The following IPCEF1 variants were observed in gnomAD, a reference collection of about 807,000 sequenced individuals.
IPCEF1 encodes interaction protein for cytohesin exchange factors 1.
In IPCEF1, 31 loss-of-function variants were observed where a neutral mutation model predicts 50.9. The ratio of observed to expected loss-of-function variants is 0.61; its 90% CI spans 0.46 to 0.82. The LOEUF (loss-of-function observed/expected upper bound fraction) is 0.82, where lower values mean the gene tolerates loss of function less well. Among genes scored for constraint, IPCEF1 ranks in the 40% least tolerant of loss-of-function variants. The pLI is 0.00. For missense variants in IPCEF1, 458 were observed against 514.0 expected (o/e 0.89, Z 1.05); for synonymous variants, 181 against 192.0 (o/e 0.94, Z 0.47).
chr6:154,195,498 TG>T (rs1342095148), intron 10 of IPCEF1, among the ~76,000 whole-genome samples: 1 of 152,092 alleles, frequency 6.6e-6, no homozygotes, highest in Admixed American at 6.6e-5. Flanking sequence ...TGATGAGAAA[TG>T]GTCATCCATT....
At chr6:154,293,253 A>T (rs1345878546) in intron 1 of IPCEF1, among the ~76,000 whole-genome samples, 1 of 152,226 alleles carries the variant, frequency 6.6e-6, no homozygotes, top group Admixed American at 6.5e-5. Flanking sequence ...CAAAAGCCAG[A>T]CAAGGTTTAG....
chr6:154,231,670 T>C (rs900111443), intron 5 of IPCEF1, among the ~76,000 whole-genome samples: 32 of 152,162 alleles, frequency 2.1e-4, no homozygotes, highest in African/African-American at 5.8e-4. Context: ...TGACTCAATA[T>C]ACACACTTGC....
intron 11 of IPCEF1, among the ~76,000 whole-genome samples, chr6:154,166,700 GCT>G (rs2128552828): frequency 6.6e-6 from 1 of 151,574 alleles, no homozygotes; most frequent in East Asian, 1.9e-4. Flanking sequence ...TAGAATAGTG[GCT>G]GGTACATAGT....
At chr6:154,315,175 G>T (rs1783183675) in intron 1 of IPCEF1, among the ~76,000 whole-genome samples, 1 of 152,192 alleles carries the variant, frequency 6.6e-6, no homozygotes, top group Non-Finnish European at 1.5e-5. Context: ...GAGCCACCAT[G>T]CCTAGCCCAC....
chr6:154,180,414 A>ATATATATATATATATTTTTTT (rs1241250621), intron 10 of IPCEF1, among the ~76,000 whole-genome samples: 4 of 65,262 alleles, frequency 6.1e-5, no homozygotes, highest in African/African-American at 1.4e-4. Context: ...ATATATATAT[A>ATATATATATATATATTTTTTT]TTTTTTTTTT....
chr6:154,351,696 A>G (rs962622408), intron 1 of IPCEF1, among the ~76,000 whole-genome samples: 6 of 152,156 alleles, frequency 3.9e-5, no homozygotes, highest in Admixed American at 1.3e-4. Context: ...TCCCCTGCCT[A>G]TTGTGGTGGT....
At chr6:154,180,079 G>A (rs1393700337) in intron 10 of IPCEF1, among the ~76,000 whole-genome samples, 1 of 152,108 alleles carries the variant, frequency 6.6e-6, no homozygotes, top group Non-Finnish European at 1.5e-5. Flanking sequence ...ACTGAGATTT[G>A]TCCATAAAGC....
At chr6:154,212,888 ACGCTGTCATCGCTTATT>A (rs761866921) in intron 8 of IPCEF1, 33 bp from the exon 9 acceptor site, 2 of 1,424,502 alleles carry the variant, frequency 1.4e-6, no homozygotes, top group Non-Finnish European at 2.0e-6. Context: ...TAATGTTTTA[ACGCTGTCATCGCTTATT>A]CCATAATGCA....
intron 7 of IPCEF1, among the ~76,000 whole-genome samples, chr6:154,214,658 A>G (rs1562545929): frequency 6.6e-6 from 1 of 152,210 alleles, no homozygotes; most frequent in African/African-American, 2.4e-5. Context: ...ACTCTTAATA[A>G]TGTCTTAATA....
At chr6:154,339,279 G>C (rs939465595) in intron 1 of IPCEF1, among the ~76,000 whole-genome samples, 1 of 151,786 alleles carries the variant, frequency 6.6e-6, no homozygotes, top group Non-Finnish European at 1.5e-5. Context: ...CTAAATGAGA[G>C]AGGAGAAGAG....
At chr6:154,234,011 C>G (rs575960606) in intron 5 of IPCEF1, among the ~76,000 whole-genome samples, 1 of 152,098 alleles carries the variant, frequency 6.6e-6, no homozygotes, top group African/African-American at 2.4e-5. Context: ...GAGTTCAAGA[C>G]CAGCCTGGGC....
At chr6:154,350,044 T>G (rs1318540667) in intron 1 of IPCEF1, among the ~76,000 whole-genome samples, 1 of 152,174 alleles carries the variant, frequency 6.6e-6, no homozygotes, top group East Asian at 1.9e-4. Context: ...ATGCTTGAAA[T>G]CCTGGCTATT....
intron 5 of IPCEF1, among the ~76,000 whole-genome samples, chr6:154,232,970 T>TC (rs1740190096): frequency 7.4e-6 from 1 of 135,376 alleles, no homozygotes; most frequent in African/African-American, 2.8e-5. Flanking sequence ...TTTTCTTTTC[T>TC]TTTTTTTTTT....
intron 1 of IPCEF1, among the ~76,000 whole-genome samples, chr6:154,320,923 T>C (rs1783356813): frequency 6.6e-6 from 1 of 152,142 alleles, no homozygotes; most frequent in African/African-American, 2.4e-5. Context: ...TGTATATGTA[T>C]ATTCATGAAT....
chr6:154,288,672 AAAAC>A lies in IPCEF1; in HGVS notation c.-18+1037_-18+1040del, dbSNP rs1562580739. On this transcript the variant is annotated intron_variant, in intron 2 of 11. Coordinates refer to ENST00000367220, the MANE Select transcript of IPCEF1 (RefSeq NM_001130700.2). ...GCAAGACTCTGTCTAAAAAACAAAA[AAAAC>A]AAAAAAAAAAAAAAAAAAAAAAAAA... is the stretch of plus-strand genomic sequence containing the variant. Among the ~76,000 whole-genome samples, 16 of 16,294 alleles carry A rather than the reference AAAAC, an allele frequency of 9.8e-4. 1 individual carries two copies. The highest frequency in any genetic ancestry group is 5.6e-3 in the South Asian group (1 of 180). The allele number at this position is 16,294 out of a possible 152,430, so 10.7% of individuals were successfully genotyped here.
In IPCEF1 at chr6:154,199,948, ACTG is replaced by A. The variant is rs1562537447; in HGVS notation, c.627_629del (p.Ser210del). The A allele has an allele frequency of 1.2e-5, 19 of 1,614,098 alleles. No homozygotes were observed. The highest frequency in any genetic ancestry group is 4.5e-5 in the East Asian group (2 of 44,894). Reference sequence around the variant, plus strand: ...TCTCTTTAGATAAGGAGGAAGGAAAACTGCTGGGTGTCTTCACTGTATTTTCCA... The same window carrying A: ...TCTCTTTAGATAAGGAGGAAGGAAAACTGGGTGTCTTCACTGTATTTTCCA... On this transcript the variant is annotated inframe_deletion, in exon 10 of 12. Coordinates refer to ENST00000367220, the MANE Select transcript of IPCEF1 (RefSeq NM_001130700.2).
chr6:154,164,738 G>T (rs1799293042), intron 11 of IPCEF1, among the ~76,000 whole-genome samples: 1 of 152,192 alleles, frequency 6.6e-6, no homozygotes, highest in Admixed American at 6.5e-5. Flanking sequence ...TGTGACATAG[G>T]TCAGAGTAAC....
chr6:154,324,731 C>T lies in IPCEF1; in HGVS notation c.-62+31941G>A, dbSNP rs1783477421. On this transcript the variant is annotated intron_variant, in intron 1 of 11. Transcript: ENST00000367220. ...ACTGAGGCAGGAGAATCGCTTGAAC[C>T]CAGGAAGCGGAAGTTGCAGTGAGCT... Among the ~76,000 whole-genome samples, 3 of 152,066 alleles carry T rather than the reference C, an allele frequency of 2.0e-5. No homozygotes were observed. In the South Asian group the frequency reaches 6.2e-4, roughly 32 times the overall value.
chr6:154,350,772 C>T (rs1784107051), intron 1 of IPCEF1, among the ~76,000 whole-genome samples: 1 of 152,168 alleles, frequency 6.6e-6, no homozygotes, highest in Non-Finnish European at 1.5e-5. Context: ...CCAGGCTGTA[C>T]ACCAGTGGCA....
Sources: allele counts gnomAD v4.1 joint callset (sites outside exome capture counted in the v4.1 genomes callset), GRCh38; gene constraint gnomAD v4.1.1; transcripts MANE v1.5; gene names NCBI Gene and HGNC (gene_info 2026-07-23, HGNC 2026-07-21).